Variants in ROBO1 observed in about 807,000 individuals in gnomAD.
The protein encoded by ROBO1 is roundabout guidance receptor 1.
In ROBO1, 149 loss-of-function variants were observed where a neutral mutation model predicts 195.9. The ratio of observed to expected loss-of-function variants is 0.76; its 90% CI spans 0.67 to 0.87. The LOEUF is 0.87. Ranked by LOEUF, ROBO1 falls within the 40% of genes least tolerant of loss-of-function variation. The pLI, the probability that ROBO1 is intolerant of heterozygous loss-of-function variation, is 0.00. For synonymous variants in ROBO1, 816 were observed against 733.2 expected, an observed-to-expected ratio of 1.11 and a Z score of -1.82; for missense variants, 1,933 against 2,068.3, an observed-to-expected ratio of 0.93 and a Z score of 1.27.
chr3:78,826,725 C>T (rs1426101925), intron 4 of ROBO1, among the ~76,000 whole-genome samples: 1 of 152,168 alleles, frequency 6.6e-6, no homozygotes, highest in South Asian at 2.1e-4. Flanking sequence ...TTCTCCAATC[C>T]TGGCTTCAAC....
intron 8 of ROBO1, among the ~76,000 whole-genome samples, chr3:78,704,726 G>GAGCT (rs894401038): frequency 6.7e-6 from 1 of 150,124 alleles, no homozygotes; most frequent in African/African-American, 2.5e-5. Flanking sequence ...TGCTTCTGTA[G>GAGCT]AGCTACTTGG....
chr3:79,339,599 C>G (rs961478749), intron 2 of ROBO1, among the ~76,000 whole-genome samples: 1 of 152,132 alleles, frequency 6.6e-6, no homozygotes, highest in Non-Finnish European at 1.5e-5. Context: ...CCTGAAGATA[C>G]TTTGTAGTTC....
At chr3:79,461,842 G>C (rs1181457115) in intron 2 of ROBO1, among the ~76,000 whole-genome samples, 2 of 152,016 alleles carry the variant, frequency 1.3e-5, no homozygotes, top group African/African-American at 4.8e-5. Context: ...TGGCAAAATA[G>C]GAAATGTTTC....
chr3:79,656,644 C>A (rs576613948), intron 1 of ROBO1, among the ~76,000 whole-genome samples: 130 of 151,992 alleles, frequency 8.6e-4, no homozygotes, highest in Non-Finnish European at 1.6e-3. Context: ...TCTATAATCC[C>A]AGCACTTTGG....
chr3:79,236,067 G>T (rs2082401651), intron 2 of ROBO1, among the ~76,000 whole-genome samples: 1 of 151,872 alleles, frequency 6.6e-6, no homozygotes, highest in South Asian at 2.1e-4. Context: ...TTGGTCATTT[G>T]ATTACTTGTT....
chr3:79,510,126 G>T (rs998816351), intron 2 of ROBO1, among the ~76,000 whole-genome samples: 6 of 152,218 alleles, frequency 3.9e-5, no homozygotes, highest in Middle Eastern at 3.4e-3. Flanking sequence ...ATATGACATG[G>T]TTTGGCTGTG....
At chr3:79,197,882 G>GT (rs2081671178) in intron 2 of ROBO1, among the ~76,000 whole-genome samples, 2 of 139,190 alleles carry the variant, frequency 1.4e-5, no homozygotes, top group Non-Finnish European at 3.1e-5. Flanking sequence ...TTTTTTGATG[G>GT]GTTTTTTTTT....
intron 4 of ROBO1, among the ~76,000 whole-genome samples, chr3:78,774,877 T>C (rs1244959603): frequency 6.6e-6 from 1 of 152,186 alleles, no homozygotes; most frequent in Non-Finnish European, 1.5e-5. Flanking sequence ...ATTCAGTATT[T>C]TTCCTTTAAT....
intron 2 of ROBO1, among the ~76,000 whole-genome samples, chr3:79,477,054 T>C (rs1333704936): frequency 6.6e-6 from 1 of 152,158 alleles, no homozygotes; most frequent in Non-Finnish European, 1.5e-5. Flanking sequence ...ATTTCCATGA[T>C]ATTTTGAAAC....
intron 4 of ROBO1, among the ~76,000 whole-genome samples, chr3:78,748,498 T>C (rs1280669883): frequency 6.6e-6 from 1 of 151,932 alleles, no homozygotes; most frequent in Non-Finnish European, 1.5e-5. Context: ...TAAAAGAATA[T>C]TTGAATTTAA....
At chr3:79,101,406 T>C (rs147182010) in intron 3 of ROBO1, among the ~76,000 whole-genome samples, 4 of 151,976 alleles carry the variant, frequency 2.6e-5, no homozygotes, top group African/African-American at 7.2e-5. Flanking sequence ...ATAAGAATGA[T>C]GCCATATAAC....
At chr3:79,021,410 T>A (rs1269434463) in intron 3 of ROBO1, among the ~76,000 whole-genome samples, 1 of 152,170 alleles carries the variant, frequency 6.6e-6, no homozygotes, top group Non-Finnish European at 1.5e-5. Flanking sequence ...GTACGTTAAA[T>A]AAAGATGTCA....
chr3:79,102,454 C>T (rs1156632063), intron 3 of ROBO1, among the ~76,000 whole-genome samples: 1 of 151,614 alleles, frequency 6.6e-6, no homozygotes, highest in Non-Finnish European at 1.5e-5. Flanking sequence ...TAAATTGCAG[C>T]CATAAAACAC....
At chr3:79,423,105 C>G (rs1160551326) in intron 2 of ROBO1, among the ~76,000 whole-genome samples, 2 of 152,000 alleles carry the variant, frequency 1.3e-5, no homozygotes, top group Non-Finnish European at 2.9e-5. Context: ...AATTAAACTA[C>G]CATGTTAAAA....
chr3:79,137,501 A>T (rs2080434289), intron 2 of ROBO1, among the ~76,000 whole-genome samples: 1 of 152,102 alleles, frequency 6.6e-6, no homozygotes, highest in Non-Finnish European at 1.5e-5. Context: ...AAGGAAGTAA[A>T]ACCTGCACTG....
chr3:78,660,980 C>T, intron 16 of ROBO1, 50 bp downstream of exon 16: 1 of 1,241,760 alleles, frequency 8.1e-7, no homozygotes, highest in Non-Finnish European at 1.1e-6. Context: ...TAATAAAATT[C>T]TAACAAATAT....
At chr3:79,535,321 T>C (rs1941816050) in intron 2 of ROBO1, among the ~76,000 whole-genome samples, 1 of 152,104 alleles carries the variant, frequency 6.6e-6, no homozygotes, top group South Asian at 2.1e-4. Context: ...TCCACAACAC[T>C]CTGCAGATGT....
At chr3:79,761,987 G>C (rs9858424) in intron 1 of ROBO1, among the ~76,000 whole-genome samples, 34,265 of 152,022 alleles carry the variant, frequency 0.23, 4,183 homozygotes, top group East Asian at 0.32. Context: ...GGTGTTTTAA[G>C]GGCTACTTTT....
chr3:79,147,444 C>T (rs1022258339), intron 2 of ROBO1, among the ~76,000 whole-genome samples: 2 of 151,848 alleles, frequency 1.3e-5, no homozygotes, highest in Non-Finnish European at 2.9e-5. Flanking sequence ...ATGAGATACC[C>T]AATATTTAGG....
Sources: gnomAD v4.1 joint callset for allele counts (sites outside exome capture counted in the v4.1 genomes callset) on GRCh38, gnomAD v4.1.1 for gene constraint, MANE v1.5 for transcripts, NCBI Gene and HGNC (gene_info 2026-07-23, HGNC 2026-07-21) for gene names.